FANCA: variants seen among roughly 807,000 people sequenced by gnomAD.
FANCA encodes the protein Fanconi anemia group A protein.
FANCA carries 236 observed loss-of-function variants against 194.3 expected under a neutral mutation model. The observed-to-expected ratio is 1.21, with a 90% CI of 1.09 to 1.35. The LOEUF is 1.35. Ranked by LOEUF, FANCA falls within the 40% of genes most tolerant of loss-of-function variation. FANCA has a pLI of 0.00. For missense variants in FANCA, 2,628 were observed against 1,813.9 expected (o/e 1.45, Z -8.15); for synonymous variants, 1,014 against 715.8 (o/e 1.42, Z -6.65).
At position 89,737,787 on chromosome 16, in the gene FANCA, C is replaced by T. The variant is rs926366512; in HGVS notation, c.*814G>A. 1.2e-6 allele frequency: 2 copies of T among 1,614,134 alleles called. No individual in the cohort carries two copies. The highest frequency in any genetic ancestry group is 2.2e-5 in the South Asian group (2 of 91,042). On this transcript the variant is annotated 3_prime_UTR_variant, in exon 43 of 43. Coordinates refer to ENST00000389301, the MANE Select transcript of FANCA (RefSeq NM_000135.4). ...TTGGAGCATCAGGGGCCTGGACTCA[C>T]TGGACTCTCCCCTCTCAGAGGTGCG...
At chr16:89,757,176 G>A (rs1024532365) in intron 30 of FANCA, among the ~76,000 whole-genome samples, 1 of 151,946 alleles carries the variant, frequency 6.6e-6, no homozygotes, top group African/African-American at 2.4e-5. Flanking sequence ...TCACCAGGCT[G>A]GTCTCGAGCT....
intron 2 of FANCA, 86 bp from the exon 3 acceptor site, chr16:89,814,699 T>G (rs974865569): frequency 9.4e-6 from 9 of 956,326 alleles, no homozygotes; most frequent in Middle Eastern, 2.1e-4. Flanking sequence ...TCCCAGTACT[T>G]TGGGAGGCCG....
At chr16:89,800,647 C>G (rs1567643282) in intron 8 of FANCA, among the ~76,000 whole-genome samples, 1 of 152,130 alleles carries the variant, frequency 6.6e-6, no homozygotes, top group Non-Finnish European at 1.5e-5. Flanking sequence ...ATCACACTGC[C>G]TGAGGTCAAA....
At position 89,779,893 on chromosome 16, in the gene FANCA, A is replaced by T. The variant is rs769842591; in HGVS notation, c.1691T>A (p.Ile564Asn). The part of the protein sequence containing the change: ...AIMVFEHTGN[I>N]PVTVMEASIF... ...CCTGGCCTCCATGACGGTGACTGGG[A>T]TGTTCCCCGTATGCTCAAACACCAT... The change falls in exon 18 of 43, where the codon ATC becomes AAC. Residue 564 changes from isoleucine to asparagine, a missense_variant. Coordinates refer to ENST00000389301, the MANE Select transcript of FANCA (RefSeq NM_000135.4). 1.6e-5 allele frequency: 26 copies of T among 1,613,832 alleles called. No individual in the cohort carries two copies. In the South Asian group the frequency reaches 2.7e-4, roughly 17 times the overall value.
intron 33 of FANCA, among the ~76,000 whole-genome samples, chr16:89,748,010 C>G (rs1397626602): frequency 6.6e-6 from 1 of 152,196 alleles, no homozygotes; most frequent in African/African-American, 2.4e-5. Context: ...CTCCTGGGCT[C>G]AATTACTCCT....
intron 30 of FANCA, 36 bp downstream of exon 30, chr16:89,758,541 C>G (rs562832356): frequency 4.4e-6 from 7 of 1,609,138 alleles, no homozygotes; most frequent in African/African-American, 2.7e-5. Flanking sequence ...TAGTCCTGTC[C>G]CTCCAGAGAA....
chr16:89,790,853 G>A (rs1028393812), intron 14 of FANCA, among the ~76,000 whole-genome samples: 3 of 151,656 alleles, frequency 2.0e-5, no homozygotes, highest in Admixed American at 1.3e-4. Flanking sequence ...TTTTTGGGAT[G>A]GAGTCTCCTT....
intron 11 of FANCA, among the ~76,000 whole-genome samples, chr16:89,794,647 C>A (rs1277494490): frequency 6.6e-6 from 1 of 152,196 alleles, no homozygotes; most frequent in African/African-American, 2.4e-5. Flanking sequence ...CTCCTGAGCA[C>A]CTCACAGCAC....
intron 14 of FANCA, among the ~76,000 whole-genome samples, chr16:89,787,755 AC>A (rs2039945767): frequency 6.6e-6 from 1 of 151,892 alleles, no homozygotes; most frequent in African/African-American, 2.4e-5. Context: ...AAACAAAAAA[AC>A]CCCACAAATT....
chr16:89,737,596 C>A lies in FANCA; in HGVS notation c.*1005G>T, dbSNP rs1292094241. 36 of 861,808 alleles carry A rather than the reference C, an allele frequency of 4.2e-5. No individual in the cohort carries two copies. Among genetic ancestry groups the A allele is most frequent in the Non-Finnish European group, 5.4e-5 (32 of 588,898 alleles). The allele number at this position is 861,808 out of a possible 1,614,324, so 53.4% of individuals were successfully genotyped here. A position where few individuals can be genotyped will look rare whatever the true frequency, so the allele number is the denominator to read the frequency against. On this transcript the variant is annotated 3_prime_UTR_variant, in exon 43 of 43. Coordinates refer to ENST00000389301, the MANE Select transcript of FANCA (RefSeq NM_000135.4). ...TTTCTTTAAAAACCATCCTGAAATG[C>A]ACACAGCTGATGAAGCCACGTGACA...
At chr16:89,814,754 A>G in intron 2 of FANCA, 141 bp from the exon 3 acceptor site, 1 of 650,836 alleles carries the variant, frequency 1.5e-6, no homozygotes, top group Non-Finnish European at 2.8e-6. Context: ...CAGCCTGGCC[A>G]ACATAGTGAA....
intron 20 of FANCA, 68 bp downstream of exon 20, chr16:89,778,733 T>G (rs2039600948): frequency 2.8e-6 from 4 of 1,413,632 alleles, no homozygotes; most frequent in Non-Finnish European, 4.0e-6. Flanking sequence ...CTACAGAAGA[T>G]CCACAATTCT....
At chr16:89,788,121 C>T (rs568627899) in intron 14 of FANCA, among the ~76,000 whole-genome samples, 1 of 152,152 alleles carries the variant, frequency 6.6e-6, no homozygotes, top group African/African-American at 2.4e-5. Flanking sequence ...AATCGGCCCA[C>T]CTCGTCCTCC....
rs141300146 is a variant in FANCA, at chr16:89,738,217, G to A, written c.*384C>T. The stretch of plus-strand genomic sequence containing the variant: ...ACCGAGCCCCTCTGTGACCACAGAG[G>A]GCCAGGCGGTGAAGCCCGAACCCAC... On this transcript the variant is annotated 3_prime_UTR_variant, in exon 43 of 43. Coordinates refer to ENST00000389301, the MANE Select transcript of FANCA (RefSeq NM_000135.4). 5.0e-6 allele frequency: 8 copies of A among 1,609,378 alleles called. No individual in the cohort carries two copies. Among genetic ancestry groups the A allele is most frequent in the South Asian group, 1.1e-5 (1 of 90,600 alleles).
At chr16:89,810,844 A>T in intron 4 of FANCA, 42 bp from the exon 5 acceptor site, 2 of 1,612,372 alleles carry the variant, frequency 1.2e-6, no homozygotes, top group Non-Finnish European at 1.7e-6. Context: ...AAATTACCTG[A>T]AACAATACTA....
At chr16:89,778,880 C>G in intron 19 of FANCA, 30 bp from the exon 20 acceptor site, 1 of 1,613,836 alleles carries the variant, frequency 6.2e-7, no homozygotes, top group Non-Finnish European at 8.5e-7. Context: ...CTGTGAGAGA[C>G]TGACAAGGAA....
intron 7 of FANCA, 78 bp downstream of exon 7, chr16:89,805,202 G>A: frequency 8.9e-7 from 1 of 1,117,534 alleles, no homozygotes; most frequent in Non-Finnish European, 1.3e-6. Context: ...CTGCCTCGCA[G>A]AGCTCTTGAG....
At chr16:89,793,456 T>C (rs557330168) in intron 11 of FANCA, among the ~76,000 whole-genome samples, 1 of 152,102 alleles carries the variant, frequency 6.6e-6, no homozygotes, top group South Asian at 2.1e-4. Flanking sequence ...CAGTAATTAC[T>C]ACCAACTAAT....
intron 13 of FANCA, 171 bp from the exon 14 acceptor site, chr16:89,791,707 C>A: frequency 9.5e-7 from 1 of 1,047,362 alleles, no homozygotes; most frequent in Non-Finnish European, 1.4e-6. Context: ...CCACTAGAGA[C>A]CTGAATGAAG....
Sources: gnomAD v4.1 joint callset for allele counts (sites outside exome capture counted in the v4.1 genomes callset) on GRCh38, gnomAD v4.1.1 for gene constraint, MANE v1.5 for transcripts, NCBI Gene and HGNC (gene_info 2026-07-23, HGNC 2026-07-21) for gene names.